Variants in MBNL1 observed in about 807,000 individuals in gnomAD.
MBNL1 encodes the protein muscleblind-like protein 1.
In MBNL1, 8 loss-of-function variants were observed where a neutral mutation model predicts 42.2. The ratio of observed to expected loss-of-function variants is 0.19; its 90% CI spans 0.11 to 0.34. The LOEUF (loss-of-function observed/expected upper bound fraction) is 0.34, where lower values mean the gene tolerates loss of function less well. MBNL1 is among the 10% of genes least tolerant of loss of function. MBNL1 has a pLI of 1.00. For missense variants in MBNL1, 309 were observed against 495.3 expected (o/e 0.62, Z 3.57); for synonymous variants, 169 against 173.9 (o/e 0.97, Z 0.22).
chr3:152,409,938 C>T (rs542345108), intron 2 of MBNL1, among the ~76,000 whole-genome samples: 10 of 152,160 alleles, frequency 6.6e-5, no homozygotes, highest in African/African-American at 1.9e-4. Context: ...AACTTCTAAT[C>T]GTTTTGTTTT....
chr3:152,275,916 T>C (rs2044840902), intron 1 of MBNL1, among the ~76,000 whole-genome samples: 1 of 152,084 alleles, frequency 6.6e-6, no homozygotes, highest in South Asian at 2.1e-4. Flanking sequence ...AAACAATAGA[T>C]TGGGGAAAAA....
Position 152,251,630 on chromosome 3 carries a change from G to A in MBNL1, n.333+7190G>A, listed in dbSNP as rs574929115. Among the ~76,000 whole-genome samples, 10 of 151,690 alleles carry A rather than the reference G, an allele frequency of 6.6e-5. No individual in the cohort carries two copies. The South Asian group carries it at 2.1e-3, about 32-fold the overall frequency. Reference sequence around the variant, plus strand: ...TCATTTTAATAAAGTGCTCCTCATTGTTTATTTTTCTGACATTTCCCCATG... The same window carrying A: ...TCATTTTAATAAAGTGCTCCTCATTATTTATTTTTCTGACATTTCCCCATG... On this transcript the variant is annotated intron_variant and non_coding_transcript_variant, in intron 2 of 2. Coordinates refer to the MBNL1 transcript ENST00000477171.
At chr3:152,359,825 G>A (rs552771214) in intron 2 of MBNL1, among the ~76,000 whole-genome samples, 2 of 152,286 alleles carry the variant, frequency 1.3e-5, no homozygotes, top group Admixed American at 1.3e-4. Context: ...CTAGGAGAGA[G>A]TTCAGACATT....
At chr3:152,458,956 CGTGTGT>C in intron 8 of MBNL1, 1 of 194,002 alleles carries the variant, frequency 5.2e-6, no homozygotes, top group Non-Finnish European at 1.0e-5. Flanking sequence ...CACGGGGGTG[CGTGTGT>C]GTGTGTGTGT....
At chr3:152,250,707 A>G (rs1047101371) in intron 2 of MBNL1, among the ~76,000 whole-genome samples, 13 of 150,724 alleles carry the variant, frequency 8.6e-5, no homozygotes, top group African/African-American at 3.2e-4. Context: ...CAGTTTTCAA[A>G]GGGAATGCTT....
chr3:152,335,415 A>G (rs911368463), intron 2 of MBNL1, among the ~76,000 whole-genome samples: 11 of 152,240 alleles, frequency 7.2e-5, no homozygotes, highest in African/African-American at 2.7e-4. Context: ...TATATGTTCC[A>G]TAAAGTTCTC....
At chr3:152,301,678 T>C (rs2060774692) in intron 2 of MBNL1, among the ~76,000 whole-genome samples, 2 of 152,342 alleles carry the variant, frequency 1.3e-5, no homozygotes, top group Non-Finnish European at 1.5e-5. Context: ...GCAAAAGTTA[T>C]AAACTCCCAT....
rs536805988 is a variant in MBNL1, at chr3:152,314,108, G to T, written c.174+13741G>T. Among the ~76,000 whole-genome samples, 488 of 152,220 alleles carry T rather than the reference G, an allele frequency of 3.2e-3. 5 individuals are homozygous for T. Among genetic ancestry groups the T allele is most frequent in the South Asian group, 0.015 (73 of 4,824 alleles). On this transcript the variant is annotated intron_variant, in intron 2 of 9. Coordinates refer to ENST00000324210, the MANE Select transcript of MBNL1 (RefSeq NM_021038.5). ...CTAAGACTTTTCTAGAAATAAAATT[G>T]TTTATTCAGCAAAGTACCTGCACAG...
At chr3:152,296,146 G>T (rs1278998747) in intron 1 of MBNL1, among the ~76,000 whole-genome samples, 1 of 152,168 alleles carries the variant, frequency 6.6e-6, no homozygotes, top group Non-Finnish European at 1.5e-5. Context: ...TTAGATATTT[G>T]CTTGGGAAGG....
intron 8 of MBNL1, among the ~76,000 whole-genome samples, chr3:152,457,276 G>A (rs1735528966): frequency 6.6e-6 from 1 of 152,182 alleles, no homozygotes; most frequent in South Asian, 2.1e-4. Context: ...AGTTGATAGT[G>A]TATGAAAAAC....
chr3:152,358,771 T>C (rs2095710682), intron 2 of MBNL1, among the ~76,000 whole-genome samples: 1 of 145,536 alleles, frequency 6.9e-6, no homozygotes, highest in Admixed American at 6.7e-5. Flanking sequence ...ATTATTACTA[T>C]TATTATTATT....
intron 1 of MBNL1, among the ~76,000 whole-genome samples, chr3:152,284,342 A>G (rs890595173): frequency 6.6e-6 from 1 of 152,018 alleles, no homozygotes; most frequent in African/African-American, 2.4e-5. Context: ...AATTTTTTTT[A>G]ATTGTTTTGA....
intron 2 of MBNL1, among the ~76,000 whole-genome samples, chr3:152,245,011 A>C (rs1024943318): frequency 6.6e-6 from 1 of 152,078 alleles, no homozygotes; most frequent in Non-Finnish European, 1.5e-5. Context: ...AGCATGACTT[A>C]AAATTTTAAA....
chr3:152,279,830 A>T (rs1389239300), intron 1 of MBNL1, among the ~76,000 whole-genome samples: 2 of 152,140 alleles, frequency 1.3e-5, no homozygotes, highest in African/African-American at 4.8e-5. Context: ...TGATTATTTT[A>T]TGCTTTTATG....
At chr3:152,332,767 T>A (rs1578126281) in intron 2 of MBNL1, among the ~76,000 whole-genome samples, 1 of 151,310 alleles carries the variant, frequency 6.6e-6, no homozygotes, top group Non-Finnish European at 1.5e-5. Context: ...CACACTAGTT[T>A]ATATTAGGTT....
intron 2 of MBNL1, among the ~76,000 whole-genome samples, chr3:152,359,721 A>G (rs2095801601): frequency 1.3e-5 from 2 of 152,204 alleles, no homozygotes; most frequent in Non-Finnish European, 2.9e-5. Context: ...GATGGTGTTA[A>G]TTAATGTGAT....
chr3:152,271,518 C>T (rs542614702), intron 1 of MBNL1, among the ~76,000 whole-genome samples: 2 of 152,198 alleles, frequency 1.3e-5, no homozygotes, highest in East Asian at 3.9e-4. Context: ...CTTGCTGCAC[C>T]TTCTGGCTTT....
intron 2 of MBNL1, among the ~76,000 whole-genome samples, chr3:152,361,525 A>G (rs186089510): frequency 4.0e-5 from 6 of 151,692 alleles, no homozygotes; most frequent in Admixed American, 6.6e-5. Context: ...GCGGTTTAAT[A>G]CAATGGGAGG....
At chr3:152,378,240 G>T (rs760255302) in intron 2 of MBNL1, among the ~76,000 whole-genome samples, 2 of 152,060 alleles carry the variant, frequency 1.3e-5, no homozygotes, top group Non-Finnish European at 2.9e-5. Context: ...AGGCTGAGGT[G>T]GGAGGATCAC....
Sources: allele counts gnomAD v4.1 joint callset (sites outside exome capture counted in the v4.1 genomes callset), GRCh38; gene constraint gnomAD v4.1.1; transcripts MANE v1.5; gene names NCBI Gene and HGNC (gene_info 2026-07-23, HGNC 2026-07-21).